The following NPAS3 variants were observed in gnomAD, a reference collection of about 807,000 sequenced individuals.
The protein encoded by NPAS3 is neuronal PAS domain-containing protein 3.
NPAS3 carries 14 observed loss-of-function variants against 73.1 expected under a neutral mutation model. The observed-to-expected ratio is 0.19, with a 90% CI of 0.13 to 0.30. The LOEUF (loss-of-function observed/expected upper bound fraction) is 0.30, where lower values mean the gene tolerates loss of function less well. Ranked by LOEUF, NPAS3 falls within the 10% of genes least tolerant of loss-of-function variation. The pLI, the probability that NPAS3 is intolerant of heterozygous loss-of-function variation, is 1.00. For missense variants in NPAS3, 1,096 were observed against 1,250.0 expected (o/e 0.88, Z 1.86); for synonymous variants, 620 against 541.5 (o/e 1.14, Z -2.01).
intron 4 of NPAS3, among the ~76,000 whole-genome samples, chr14:33,544,811 T>TATAATATATATATA (rs1491151414): frequency 1.1e-5 from 1 of 94,780 alleles, no homozygotes; most frequent in African/African-American, 5.2e-5. Context: ...TATATATATA[T>TATAATATATATATA]GTATATATAA....
chr14:33,759,558 T>C (rs565701729), intron 7 of NPAS3, among the ~76,000 whole-genome samples: 79 of 152,358 alleles, frequency 5.2e-4, no homozygotes, highest in Non-Finnish European at 9.7e-4. Flanking sequence ...CTGGAATACA[T>C]GGATTTATTC....
chr14:33,720,719 C>T (rs1347948868), intron 6 of NPAS3, among the ~76,000 whole-genome samples: 1 of 152,148 alleles, frequency 6.6e-6, no homozygotes, highest in Non-Finnish European at 1.5e-5. Flanking sequence ...GAATTCCACT[C>T]TTCCTTTTTA....
At chr14:33,496,352 G>T (rs558790415) in intron 4 of NPAS3, among the ~76,000 whole-genome samples, 39 of 152,160 alleles carry the variant, frequency 2.6e-4, no homozygotes, top group Admixed American at 2.6e-3. Context: ...ATTTTATGAG[G>T]CCAGCATCAG....
At chr14:33,553,057 A>G (rs1161054091) in intron 4 of NPAS3, among the ~76,000 whole-genome samples, 1 of 152,212 alleles carries the variant, frequency 6.6e-6, no homozygotes, top group Non-Finnish European at 1.5e-5. Flanking sequence ...TTCCTCTGGG[A>G]CAAACCAGAG....
intron 3 of NPAS3, among the ~76,000 whole-genome samples, chr14:33,345,635 C>A (rs2044690326): frequency 1.3e-5 from 2 of 152,146 alleles, no homozygotes; most frequent in South Asian, 2.1e-4. Context: ...CTTGTGTTCA[C>A]AAAATCCGGG....
At chr14:33,675,433 T>C (rs931024897) in intron 5 of NPAS3, among the ~76,000 whole-genome samples, 8 of 152,314 alleles carry the variant, frequency 5.3e-5, no homozygotes, top group African/African-American at 1.7e-4. Context: ...ATTCATTCTC[T>C]GCCTTTAGAG....
At chr14:33,790,877 C>T (rs772044829) in intron 9 of NPAS3, among the ~76,000 whole-genome samples, 14 of 152,342 alleles carry the variant, frequency 9.2e-5, no homozygotes, top group Non-Finnish European at 1.5e-4. Context: ...CCATGTTGGC[C>T]AGGCTAGTCT....
intron 6 of NPAS3, among the ~76,000 whole-genome samples, chr14:33,719,250 G>A (rs578133047): frequency 1.3e-5 from 2 of 152,290 alleles, no homozygotes; most frequent in South Asian, 2.1e-4. Flanking sequence ...TGGTACCCCT[G>A]TTGTTATTCC....
chr14:33,716,515 A>G (rs1432147526), intron 6 of NPAS3, among the ~76,000 whole-genome samples: 1 of 152,150 alleles, frequency 6.6e-6, no homozygotes, highest in Non-Finnish European at 1.5e-5. Flanking sequence ...TTAAACATAC[A>G]TTTCAGTGGC....
intron 4 of NPAS3, among the ~76,000 whole-genome samples, chr14:33,542,867 T>C (rs1370341185): frequency 6.6e-6 from 1 of 152,168 alleles, no homozygotes; most frequent in East Asian, 1.9e-4. Context: ...TTGCCAAGCA[T>C]GAGGCAGCCA....
chr14:33,487,611 A>G lies in NPAS3; in HGVS notation c.469-72510A>G, dbSNP rs556289469. ...TTTCCTCCAATGTATCCAGTTATTGAATTATGCTTCTTTCATAGTCACCTC... is the reference window on the plus strand; with the variant it reads ...TTTCCTCCAATGTATCCAGTTATTGGATTATGCTTCTTTCATAGTCACCTC... On this transcript the variant is annotated intron_variant, in intron 4 of 11. Transcript: ENST00000356141. Among the ~76,000 whole-genome samples, 122 of 152,300 alleles carry G rather than the reference A, an allele frequency of 8.0e-4. 3 individuals are homozygous for G. In the South Asian group the frequency reaches 0.024, roughly 30 times the overall value.
chr14:33,191,936 C>T (rs2046185328), intron 2 of NPAS3, among the ~76,000 whole-genome samples: 2 of 152,164 alleles, frequency 1.3e-5, no homozygotes, highest in Admixed American at 1.3e-4. Context: ...ATAAAAAGTC[C>T]TTTAAATTTG....
intron 1 of NPAS3, among the ~76,000 whole-genome samples, chr14:33,016,880 T>C (rs1049466406): frequency 1.4e-4 from 21 of 152,202 alleles, no homozygotes; most frequent in Non-Finnish European, 1.2e-4. Flanking sequence ...TGATTTGCAT[T>C]GTTTGGAACA....
chr14:33,365,563 G>A (rs2045803908), intron 3 of NPAS3, among the ~76,000 whole-genome samples: 1 of 152,106 alleles, frequency 6.6e-6, no homozygotes, highest in South Asian at 2.1e-4. Flanking sequence ...TGAGGAGGCT[G>A]GAGTAGAGAT....
At chr14:33,759,660 A>G (rs976840653) in intron 7 of NPAS3, among the ~76,000 whole-genome samples, 1 of 152,236 alleles carries the variant, frequency 6.6e-6, no homozygotes, top group Non-Finnish European at 1.5e-5. Context: ...AATAAAATGT[A>G]TCTAGTAAAA....
chr14:33,647,342 A>G (rs1348525746), intron 5 of NPAS3, among the ~76,000 whole-genome samples: 1 of 151,982 alleles, frequency 6.6e-6, no homozygotes, highest in African/African-American at 2.4e-5. Context: ...TATCATCATG[A>G]AAAGAAGGCT....
chr14:33,220,390 A>C (rs1428596888), intron 3 of NPAS3, among the ~76,000 whole-genome samples: 3 of 152,194 alleles, frequency 2.0e-5, no homozygotes, highest in Non-Finnish European at 4.4e-5. Flanking sequence ...TAGGACATGG[A>C]AATGTGATGT....
chr14:33,403,361 T>A (rs74760542), intron 4 of NPAS3, among the ~76,000 whole-genome samples: 473 of 152,242 alleles, frequency 3.1e-3, no homozygotes, highest in African/African-American at 0.011. Flanking sequence ...TATATTTTTT[T>A]ATAATCTAGG....
At chr14:33,566,379 C>G (rs932842278) in intron 5 of NPAS3, among the ~76,000 whole-genome samples, 2 of 152,104 alleles carry the variant, frequency 1.3e-5, no homozygotes, top group Non-Finnish European at 2.9e-5. Context: ...AGGTTCCTCC[C>G]GGCAGGATCC....
Sources: allele counts gnomAD v4.1 joint callset (sites outside exome capture counted in the v4.1 genomes callset), GRCh38; gene constraint gnomAD v4.1.1; transcripts MANE v1.5; gene names NCBI Gene and HGNC (gene_info 2026-07-23, HGNC 2026-07-21).